The following TEX29 variants were observed in gnomAD, a reference collection of about 807,000 sequenced individuals.
The protein encoded by TEX29 is testis-expressed protein 29.
A neutral mutation model predicts 18.2 loss-of-function variants in TEX29; 26 were observed. The observed-to-expected ratio is 1.43, with a 90% CI of 1.04 to 1.98. TEX29 has a LOEUF of 1.98. Ranked by LOEUF, TEX29 falls within the 30% of genes most tolerant of loss-of-function variation. The pLI, the probability that TEX29 is intolerant of heterozygous loss-of-function variation, is 0.00. For synonymous variants in TEX29, 83 were observed against 78.5 expected (o/e 1.06, Z -0.31); for missense variants, 177 against 194.2 (o/e 0.91, Z 0.53).
chr13:111,328,051 G>A (rs372052536), intron 2 of TEX29, 132 bp from the exon 3 acceptor site: 10 of 609,852 alleles, frequency 1.6e-5, no homozygotes, highest in African/African-American at 7.4e-5. Context: ...TGCAGGATGC[G>A]TAATTGAGAA....
chr13:111,341,775 C>A (rs866140321), intron 4 of TEX29, among the ~76,000 whole-genome samples: 8 of 152,316 alleles, frequency 5.3e-5, no homozygotes, highest in Middle Eastern at 3.4e-3. Context: ...ACATCATAAC[C>A]CGTGTTTAGT....
At chr13:111,325,200 TCCTGAGGCAGCG>T (rs375872156) in intron 2 of TEX29, among the ~76,000 whole-genome samples, 16 of 152,200 alleles carry the variant, frequency 1.1e-4, no homozygotes, top group African/African-American at 3.6e-4. Context: ...TGCCCCGCCA[TCCTGAGGCAGCG>T]CCTCCCCGTT....
At chr13:111,317,760 C>T (rs182558038), upstream of TEX29, among the ~76,000 whole-genome samples, 77 of 152,288 alleles carry the variant, frequency 5.1e-4, no homozygotes, top group Middle Eastern at 0.01. Flanking sequence ...CTGGGGAGGG[C>T]CCTCCTGCCC....
chr13:111,337,660 G>A (rs1015554820), intron 3 of TEX29, among the ~76,000 whole-genome samples: 7 of 152,054 alleles, frequency 4.6e-5, no homozygotes, highest in Non-Finnish European at 7.4e-5. Context: ...TGGTAGCCCC[G>A]GATATTTGGA....
intron 3 of TEX29, among the ~76,000 whole-genome samples, chr13:111,337,143 C>T (rs958327548): frequency 2.6e-5 from 4 of 152,208 alleles, no homozygotes; most frequent in Non-Finnish European, 4.4e-5. Flanking sequence ...GTTTGTTGAA[C>T]AGCATTTAAG....
intron 3 of TEX29, among the ~76,000 whole-genome samples, chr13:111,336,936 G>T (rs1402708265): frequency 6.6e-6 from 1 of 152,164 alleles, no homozygotes; most frequent in Non-Finnish European, 1.5e-5. Context: ...ATACTAAGAC[G>T]CTGACTAATA....
At chr13:111,338,054 C>T (rs533577754) in intron 3 of TEX29, among the ~76,000 whole-genome samples, 1 of 152,276 alleles carries the variant, frequency 6.6e-6, no homozygotes, top group Admixed American at 6.5e-5. Flanking sequence ...TGTGATGAGT[C>T]CAGGGAGTGC....
chr13:111,324,935 C>T (rs975859328), intron 2 of TEX29, among the ~76,000 whole-genome samples: 4 of 152,158 alleles, frequency 2.6e-5, no homozygotes, highest in African/African-American at 7.2e-5. Flanking sequence ...AGGTGGCTGG[C>T]GGGAAGTGGG....
At chr13:111,343,951 C>A in intron 5 of TEX29, 132 bp from the exon 6 acceptor site, 1 of 749,970 alleles carries the variant, frequency 1.3e-6, no homozygotes, top group Non-Finnish European at 2.3e-6. Context: ...ACGGCCATCC[C>A]CAAAACTGGC....
chr13:111,322,505 G>C (rs2093666459), intron 2 of TEX29, among the ~76,000 whole-genome samples: 1 of 152,178 alleles, frequency 6.6e-6, no homozygotes, highest in South Asian at 2.1e-4. Context: ...CCGTCTGTGA[G>C]GGGCTGTCAG....
rs371678448 is a variant in TEX29 at position 111,342,874 on chromosome 13, A to G, written c.358A>G (p.Ser120Gly). 1.2e-6 allele frequency: 2 copies of G among 1,614,218 alleles called. No individual in the cohort carries two copies. Among genetic ancestry groups the G allele is most frequent in the Non-Finnish European group, 1.7e-6 (2 of 1,180,042 alleles). The change falls in exon 5 of 6, where the codon AGT (serine) becomes GGT (glycine). Residue 120 changes from serine (S) to glycine (G), a missense_variant. Transcript: ENST00000283547. ...CAGCAAGTTAGGGCTGAAGCCTGCG[A>G]GTCCTGGGCCTCCAAGTGCTGGGCC... ...SSSKLGLKPA[S>G]PGPPSAGPSM...
At chr13:111,321,755 TCTA>T (rs1411027426) in intron 2 of TEX29, among the ~76,000 whole-genome samples, 1 of 152,000 alleles carries the variant, frequency 6.6e-6, no homozygotes, top group Non-Finnish European at 1.5e-5. Flanking sequence ...AAACCCCATC[TCTA>T]CTAAAAATAC....
chr13:111,329,996 C>T (rs1054786337), intron 3 of TEX29, among the ~76,000 whole-genome samples: 3 of 151,828 alleles, frequency 2.0e-5, no homozygotes, highest in Non-Finnish European at 4.4e-5. Context: ...GGCTAGGGGG[C>T]GCGTGGTGAG....
intron 2 of TEX29, among the ~76,000 whole-genome samples, chr13:111,323,949 G>T (rs2093668782): frequency 6.6e-6 from 1 of 152,234 alleles, no homozygotes; most frequent in Non-Finnish European, 1.5e-5. Flanking sequence ...AACTTGACAT[G>T]CAGCTTCAAG....
In TEX29 at chr13:111,339,692, C is replaced by G. The variant is rs2093694574; in HGVS notation, c.170-171C>G. ...TGCCTGCGGGGGCCTTTGGAGATGTCCACAGAGCTGAGTCTCCAGGAGACG... is the reference window on the plus strand; with the variant it reads ...TGCCTGCGGGGGCCTTTGGAGATGTGCACAGAGCTGAGTCTCCAGGAGACG... On this transcript the variant is annotated intron_variant, in intron 3 of 5. Transcript: ENST00000283547. Among the ~76,000 whole-genome samples, 3 of 152,166 alleles carry G rather than the reference C, an allele frequency of 2.0e-5. No homozygotes were observed. In the South Asian group the frequency reaches 6.2e-4, roughly 32 times the overall value.
chr13:111,338,291 T>C (rs1595692178), intron 3 of TEX29, among the ~76,000 whole-genome samples: 1 of 152,044 alleles, frequency 6.6e-6, no homozygotes, highest in Non-Finnish European at 1.5e-5. Flanking sequence ...AAATGGCTGG[T>C]GTCCTTGTAA....
At chr13:111,317,179 G>A (rs1245243187), upstream of TEX29, among the ~76,000 whole-genome samples, 2 of 152,020 alleles carry the variant, frequency 1.3e-5, no homozygotes, top group Non-Finnish European at 2.9e-5. Flanking sequence ...TAGCTGGGAG[G>A]AGGCCTGTGG....
rs201585629 is a variant in TEX29 at position 111,328,280 on chromosome 13, G to A, written c.156G>A (p.Lys52=). 2 of 1,613,586 alleles carry A rather than the reference G, an allele frequency of 1.2e-6. No homozygotes were observed. Among genetic ancestry groups the A allele is most frequent in the Admixed American group, 1.7e-5 (1 of 60,034 alleles). Residue 52 remains lysine, a synonymous_variant, in exon 3 of 6, where the codon AAG becomes AAA. Coordinates refer to ENST00000283547, the MANE Select transcript of TEX29 (RefSeq NM_152324.3). ...GCCFYEGVCY[K]KAVPIYIHVF... is the part of the protein sequence containing the mutation. ...GCTTCTACGAAGGCGTCTGCTACAAGAAAGCGGTTCCCAGTGAGTAGACGC... is the reference window on the plus strand; with the variant it reads ...GCTTCTACGAAGGCGTCTGCTACAAAAAAGCGGTTCCCAGTGAGTAGACGC...
intron 2 of TEX29, 52 bp downstream of exon 2, chr13:111,321,000 G>GT (rs947829231): frequency 4.4e-6 from 4 of 900,372 alleles, no homozygotes; most frequent in African/African-American, 3.3e-5. Flanking sequence ...GCAGTTGGGG[G>GT]GGGGCACAGG....
Sources: allele counts gnomAD v4.1 joint callset (sites outside exome capture counted in the v4.1 genomes callset), GRCh38; gene constraint gnomAD v4.1.1; transcripts MANE v1.5; gene names NCBI Gene and HGNC (gene_info 2026-07-23, HGNC 2026-07-21).